Variants in ANKS1B observed in about 807,000 individuals in gnomAD.
ANKS1B encodes the protein ankyrin repeat and sterile alpha motif domain-containing protein 1B.
In ANKS1B, 36 loss-of-function variants were observed where a neutral mutation model predicts 148.3. The observed-to-expected ratio is 0.24, with a 90% confidence interval of 0.19 to 0.32. The LOEUF (loss-of-function observed/expected upper bound fraction) is 0.32. ANKS1B is among the 10% of genes least tolerant of loss of function. The pLI is 1.00. For synonymous variants in ANKS1B, 542 were observed against 560.8 expected (o/e 0.97, Z 0.47); for missense variants, 1,157 against 1,542.6 (o/e 0.75, Z 4.19).
At chr12:99,634,980 A>G (rs1270434867) in intron 9 of ANKS1B, among the ~76,000 whole-genome samples, 1 of 152,212 alleles carries the variant, frequency 6.6e-6, no homozygotes, top group Non-Finnish European at 1.5e-5. Flanking sequence ...CAGAGAAGAT[A>G]TACAAATGGT....
In ANKS1B at chr12:99,655,204, A is replaced by C. The variant is rs1479286020; in HGVS notation, c.1135T>G (p.Ser379Ala). Residue 379 changes from serine (S) to alanine (A), a missense_variant, in exon 9 of 27, where the codon TCA (serine) becomes GCA (alanine). Ser to Ala is a moderately conservative substitution (Grantham distance 99). Transcript: ENST00000683438. ...CCTGGTGACAAATTGATTGTAGATG[A>C]GGTTCTCTGAAATTAAATTTATATC... ...GKNGSQSVRT[S>A]STINLSPGEV... The C allele has an allele frequency of 1.2e-6, 2 of 1,605,722 alleles. No individual in the cohort carries two copies. The highest frequency in any genetic ancestry group is 1.7e-6 in the Non-Finnish European group (2 of 1,175,318).
At chr12:99,591,180 T>C (rs776932378) in intron 9 of ANKS1B, among the ~76,000 whole-genome samples, 4 of 152,126 alleles carry the variant, frequency 2.6e-5, no homozygotes, top group Admixed American at 6.5e-5. Context: ...CCAATGACTT[T>C]ACAGAGTTAG....
intron 15 of ANKS1B, among the ~76,000 whole-genome samples, chr12:99,092,309 G>T (rs1448269851): frequency 6.6e-6 from 1 of 152,058 alleles, no homozygotes; most frequent in Non-Finnish European, 1.5e-5. Context: ...GGTGCGGCTG[G>T]GGTTGGGGTG....
In ANKS1B at chr12:99,784,297, G is replaced by A. The variant is rs187060741; in HGVS notation, c.670-2200C>T. Among the ~76,000 whole-genome samples the A allele has an allele frequency of 2.9e-3, 431 of 150,666 alleles. 1 individual carries two copies. Among genetic ancestry groups the A allele is most frequent in the African/African-American group, 9.6e-3 (393 of 40,974 alleles). ...CACCATTCCCCTGTCTCAGCCTCCC[G>A]AGAAGCTGGGACTACAGGCTCCTGC... is the stretch of plus-strand genomic sequence containing the variant. On this transcript the variant is annotated intron_variant, in intron 4 of 26. Coordinates refer to ENST00000683438, the MANE Select transcript of ANKS1B (RefSeq NM_001352186.2).
chr12:99,903,969 T>C (rs142970780), intron 1 of ANKS1B, among the ~76,000 whole-genome samples: 146 of 152,284 alleles, frequency 9.6e-4, no homozygotes, highest in African/African-American at 3.2e-3. Context: ...AGACTAGCCA[T>C]ATTTCAAGTG....
At chr12:99,429,163 AAACAAACG>A (rs1299554082) in intron 11 of ANKS1B, among the ~76,000 whole-genome samples, 5 of 152,236 alleles carry the variant, frequency 3.3e-5, no homozygotes, top group African/African-American at 1.2e-4. Flanking sequence ...ACAAACAAAC[AAACAAACG>A]AAGAGAAAGA....
At chr12:99,335,327 A>C (rs1331644190) in intron 12 of ANKS1B, among the ~76,000 whole-genome samples, 1 of 152,030 alleles carries the variant, frequency 6.6e-6, no homozygotes, top group Non-Finnish European at 1.5e-5. Flanking sequence ...CCCTAATCTC[A>C]AGCATTTATT....
intron 8 of ANKS1B, among the ~76,000 whole-genome samples, chr12:99,749,198 T>A (rs540180614): frequency 7.2e-5 from 11 of 152,122 alleles, no homozygotes; most frequent in Non-Finnish European, 1.3e-4. Context: ...CCGGGGCTAA[T>A]TAATCAATAC....
intron 6 of ANKS1B, among the ~76,000 whole-genome samples, chr12:99,778,668 T>C (rs1324962700): frequency 6.6e-6 from 1 of 152,202 alleles, no homozygotes; most frequent in African/African-American, 2.4e-5. Flanking sequence ...AAGGCTATGA[T>C]GGGATTTTTC....
chr12:99,102,190 T>C (rs2058099009), intron 15 of ANKS1B, among the ~76,000 whole-genome samples: 1 of 152,112 alleles, frequency 6.6e-6, no homozygotes, highest in Admixed American at 6.5e-5. Context: ...GAAGTCTTAA[T>C]GGAAGTGGAA....
chr12:99,501,919 A>C (rs939192667), intron 10 of ANKS1B, among the ~76,000 whole-genome samples: 1 of 152,166 alleles, frequency 6.6e-6, no homozygotes, highest in Non-Finnish European at 1.5e-5. Context: ...GCTTTTTGAT[A>C]CTTTTAAGAA....
At chr12:99,124,890 C>G (rs1210186232) in intron 15 of ANKS1B, among the ~76,000 whole-genome samples, 1 of 152,106 alleles carries the variant, frequency 6.6e-6, no homozygotes, top group Admixed American at 6.6e-5. Context: ...TGAGAATTGA[C>G]AAATTCGGCA....
intron 22 of ANKS1B, among the ~76,000 whole-genome samples, chr12:98,785,189 G>T (rs539385281): frequency 1.3e-5 from 2 of 152,348 alleles, no homozygotes; most frequent in African/African-American, 2.4e-5. Context: ...AGGCAAAGAG[G>T]CTAGGCATGG....
chr12:99,627,617 G>C (rs1453160024), intron 9 of ANKS1B, among the ~76,000 whole-genome samples: 1 of 152,154 alleles, frequency 6.6e-6, no homozygotes, highest in Non-Finnish European at 1.5e-5. Flanking sequence ...TGACACCAAA[G>C]GAAACTTCAG....
At position 99,902,631 on chromosome 12, in the gene ANKS1B, G is replaced by A. The variant is rs118157778; in HGVS notation, c.135-77242C>T. Among the ~76,000 whole-genome samples the A allele has an allele frequency of 4.8e-3, 734 of 152,246 alleles. 3 individuals carry two copies. The highest frequency in any genetic ancestry group is 7.1e-3 in the Non-Finnish European group (480 of 68,012). On this transcript the variant is annotated intron_variant, in intron 1 of 26. Coordinates refer to ENST00000683438, the MANE Select transcript of ANKS1B (RefSeq NM_001352186.2). Reference sequence around the variant, plus strand: ...TCAGGGATGATTTCTAGGTTACTTGGGTTGAGCAGCTGTGTATATGGTGAT... The same window carrying A: ...TCAGGGATGATTTCTAGGTTACTTGAGTTGAGCAGCTGTGTATATGGTGAT...
chr12:99,169,238 T>C (rs1228029671), intron 14 of ANKS1B, among the ~76,000 whole-genome samples: 1 of 152,160 alleles, frequency 6.6e-6, no homozygotes, highest in Non-Finnish European at 1.5e-5. Flanking sequence ...CTTAGAGACA[T>C]GACTTCCTAT....
At chr12:99,103,461 T>C (rs2058462141) in intron 15 of ANKS1B, among the ~76,000 whole-genome samples, 2 of 152,342 alleles carry the variant, frequency 1.3e-5, no homozygotes, top group Admixed American at 1.3e-4. Flanking sequence ...AAAATTCTAC[T>C]GATCTTTCAA....
At chr12:99,374,587 T>G (rs1184718033) in intron 12 of ANKS1B, among the ~76,000 whole-genome samples, 1 of 152,234 alleles carries the variant, frequency 6.6e-6, no homozygotes, top group African/African-American at 2.4e-5. Flanking sequence ...TTCACATTTA[T>G]TTCAATGTTT....
At chr12:99,910,225 C>T (rs533516854) in intron 1 of ANKS1B, among the ~76,000 whole-genome samples, 1 of 151,814 alleles carries the variant, frequency 6.6e-6, no homozygotes, top group South Asian at 2.1e-4. Flanking sequence ...CATGGTGCCC[C>T]GTGCCTGTAA....
Sources: gnomAD v4.1 joint callset for allele counts (sites outside exome capture counted in the v4.1 genomes callset) on GRCh38, gnomAD v4.1.1 for gene constraint, MANE v1.5 for transcripts, NCBI Gene and HGNC (gene_info 2026-07-23, HGNC 2026-07-21) for gene names.